TSHZ3: variants seen among roughly 807,000 people sequenced by gnomAD.
TSHZ3 encodes teashirt zinc finger homeobox 3, also known as teashirt homolog 3.
A neutral mutation model predicts 64.5 loss-of-function variants in TSHZ3; 10 were observed. That is an observed-to-expected ratio of 0.16 (90% CI 0.10 to 0.26). TSHZ3 has a LOEUF of 0.26. Ranked by LOEUF, TSHZ3 falls within the 10% of genes least tolerant of loss-of-function variation. TSHZ3 has a pLI of 1.00. For synonymous variants in TSHZ3, 608 were observed against 593.1 expected (o/e 1.03, Z -0.36); for missense variants, 1,242 against 1,421.7 (o/e 0.87, Z 2.03).
chr19:31,315,745 T>C (rs1362787120), intron 1 of TSHZ3, among the ~76,000 whole-genome samples: 1 of 152,200 alleles, frequency 6.6e-6, no homozygotes, highest in Non-Finnish European at 1.5e-5. Context: ...CACAAACCAT[T>C]AAGTTTGTGC....
chr19:31,150,246 G>T (rs549973362), exon 7 of TSHZ3, among the ~76,000 whole-genome samples: 1 of 152,316 alleles, frequency 6.6e-6, no homozygotes, highest in East Asian at 1.9e-4. Flanking sequence ...AAGTCAGCCC[G>T]TGAGGCCCGT....
intron 1 of TSHZ3, among the ~76,000 whole-genome samples, chr19:31,320,960 G>C (rs368909002): frequency 4.6e-5 from 7 of 152,294 alleles, no homozygotes; most frequent in Non-Finnish European, 8.8e-5. Flanking sequence ...CAGGTGTCAG[G>C]ACAGGTCATC....
intron 1 of TSHZ3, among the ~76,000 whole-genome samples, chr19:31,255,675 C>T (rs994972204): frequency 6.6e-6 from 1 of 152,110 alleles, no homozygotes; most frequent in Non-Finnish European, 1.5e-5. Flanking sequence ...TTTCTGGGGG[C>T]AGGGTCAGCT....
At chr19:31,246,724 C>T (rs144906472) in intron 1 of TSHZ3, among the ~76,000 whole-genome samples, 15 of 152,196 alleles carry the variant, frequency 9.9e-5, no homozygotes, top group South Asian at 2.1e-4. Context: ...CCAATAGCAA[C>T]GAGCATACTT....
downstream of TSHZ3, among the ~76,000 whole-genome samples, chr19:31,270,993 C>A (rs1023836281): frequency 6.6e-6 from 1 of 152,062 alleles, no homozygotes; most frequent in Non-Finnish European, 1.5e-5. Flanking sequence ...ATTTTTGGAC[C>A]AGAGGTGGGG....
rs1404662562 is a variant in TSHZ3 at position 31,210,318 on chromosome 19, T to C, written n.687-5240A>G. On this transcript the variant is annotated intron_variant and non_coding_transcript_variant, in intron 4 of 6. Coordinates refer to the TSHZ3 transcript ENST00000651361. ...CTCAAAAGGGCTTTGCACCTGTTTTTTTCTTCTTGAAACCAAGAAGTTTCC... is the reference window on the plus strand; with the variant it reads ...CTCAAAAGGGCTTTGCACCTGTTTTCTTCTTCTTGAAACCAAGAAGTTTCC... 2.0e-5 allele frequency among the ~76,000 whole-genome samples: 3 copies of C among 152,274 alleles called. No homozygotes were observed. In the South Asian group the frequency reaches 6.2e-4, roughly 32 times the overall value.
intron 6 of TSHZ3, among the ~76,000 whole-genome samples, chr19:31,151,989 C>T (rs907612729): frequency 1.3e-5 from 2 of 152,114 alleles, no homozygotes; most frequent in Non-Finnish European, 2.9e-5. Flanking sequence ...TTTGTGAGAA[C>T]AAGTTCATTT....
intron 1 of TSHZ3, among the ~76,000 whole-genome samples, chr19:31,283,640 CG>C (rs1976403676): frequency 6.6e-6 from 1 of 152,164 alleles, no homozygotes; most frequent in Non-Finnish European, 1.5e-5. Context: ...CGTCCTTCCT[CG>C]GCTACATGTC....
At chr19:31,290,433 G>A (rs1300930434) in intron 1 of TSHZ3, among the ~76,000 whole-genome samples, 1 of 152,060 alleles carries the variant, frequency 6.6e-6, no homozygotes. Flanking sequence ...AGGGGGCTTA[G>A]CTAAACACAC....
chr19:31,348,603 C>A (rs1270409442), intron 1 of TSHZ3, among the ~76,000 whole-genome samples: 1 of 152,080 alleles, frequency 6.6e-6, no homozygotes, highest in African/African-American at 2.4e-5. Flanking sequence ...GAGAAGGAAA[C>A]GCCAGCATCT....
At chr19:31,190,894 TA>T (rs57435007) in intron 5 of TSHZ3, among the ~76,000 whole-genome samples, 99,253 of 151,682 alleles carry the variant, frequency 0.65, 32,514 homozygotes, top group Middle Eastern at 0.74. Context: ...AATTCTAGAA[TA>T]AAAAAAATGT....
At chr19:31,306,060 G>A (rs1437846359) in intron 1 of TSHZ3, among the ~76,000 whole-genome samples, 2 of 152,176 alleles carry the variant, frequency 1.3e-5, no homozygotes, top group African/African-American at 2.4e-5. Flanking sequence ...GGGGGTAGGC[G>A]CTTTTTTGGA....
intron 1 of TSHZ3, among the ~76,000 whole-genome samples, chr19:31,295,278 T>C (rs1976643119): frequency 6.6e-6 from 1 of 152,222 alleles, no homozygotes; most frequent in South Asian, 2.1e-4. Context: ...ACACATACTC[T>C]GTGTGACCTG....
chr19:31,312,234 A>C (rs1916478471), intron 1 of TSHZ3, among the ~76,000 whole-genome samples: 1 of 152,242 alleles, frequency 6.6e-6, no homozygotes, highest in Non-Finnish European at 1.5e-5. Context: ...GGAAACTATG[A>C]ATCAGCAGAT....
At chr19:31,282,460 T>C (rs1021696984) in intron 1 of TSHZ3, among the ~76,000 whole-genome samples, 16 of 152,146 alleles carry the variant, frequency 1.1e-4, no homozygotes, top group Admixed American at 4.6e-4. Context: ...GAGTCCTCTG[T>C]GGGTGAAGGC....
At chr19:31,185,813 T>C (rs980845230) in intron 5 of TSHZ3, among the ~76,000 whole-genome samples, 2 of 152,212 alleles carry the variant, frequency 1.3e-5, no homozygotes, top group African/African-American at 4.8e-5. Flanking sequence ...ATCATTATCC[T>C]TCCCAGTCAG....
chr19:31,216,024 C>T (rs2145163753), intron 4 of TSHZ3, among the ~76,000 whole-genome samples: 1 of 151,418 alleles, frequency 6.6e-6, no homozygotes, highest in African/African-American at 2.4e-5. Flanking sequence ...AGGAAAATCA[C>T]CAAATTCTCA....
intron 3 of TSHZ3, among the ~76,000 whole-genome samples, chr19:31,232,177 G>T (rs1205581517): frequency 2.6e-5 from 4 of 152,088 alleles, no homozygotes; most frequent in Non-Finnish European, 5.9e-5. Context: ...AGAATGTGGT[G>T]GGTTCTCTCC....
At chr19:31,330,650 C>G (rs529267128) in intron 1 of TSHZ3, among the ~76,000 whole-genome samples, 1 of 151,826 alleles carries the variant, frequency 6.6e-6, no homozygotes, top group East Asian at 1.9e-4. Context: ...ACACCTCCCT[C>G]TGGGCTCAAA....
Sources: gnomAD v4.1 joint callset for allele counts (sites outside exome capture counted in the v4.1 genomes callset) on GRCh38, gnomAD v4.1.1 for gene constraint, MANE v1.5 for transcripts, NCBI Gene and HGNC (gene_info 2026-07-23, HGNC 2026-07-21) for gene names.